Variants in MYO5C observed in about 807,000 individuals in gnomAD.
MYO5C encodes myosin VC.
MYO5C carries 194 observed loss-of-function variants against 235.7 expected under a neutral mutation model. That is an observed-to-expected ratio of 0.82 (90% CI 0.73 to 0.93). The LOEUF is 0.93. MYO5C is among the 40% of genes least tolerant of loss of function. MYO5C has a pLI of 0.00. For missense variants in MYO5C, 2,038 were observed against 2,127.2 expected (o/e 0.96, Z 0.82); for synonymous variants, 707 against 754.8 (o/e 0.94, Z 1.04).
intron 25 of MYO5C, among the ~76,000 whole-genome samples, chr15:52,227,134 G>A (rs370043457): frequency 6.7e-6 from 1 of 149,532 alleles, no homozygotes; most frequent in East Asian, 2.0e-4. Flanking sequence ...TGGGTGACAA[G>A]AGCAAAACTC....
In MYO5C at chr15:52,211,845, C is replaced by G. The variant is rs2035447458; in HGVS notation, c.4181G>C (p.Gly1394Ala). 6.2e-7 allele frequency: 1 copy of G among 1,613,956 alleles called. No individual in the cohort carries two copies. The highest frequency in any genetic ancestry group is 1.7e-5 in the Admixed American group (1 of 60,008). The change falls in exon 35 of 41, where the codon GGG becomes GCG. Residue 1394 changes from glycine to alanine, a missense_variant. By Grantham distance (60) the Gly-to-Ala change is moderately conservative. Transcript: ENST00000261839. ...PRGVVVNMIPGLPAHILFMCV... is the reference protein window; with the variant it reads ...PRGVVVNMIPALPAHILFMCV... ...CATGAACAGGATATGAGCCGGCAGC[C>G]CGGGGATCATGTTCACCACCACGCC...
Position 52,275,636 on chromosome 15 carries a change from A to C in MYO5C, c.532T>G (p.Phe178Val), listed in dbSNP as rs748879031. Reference sequence around the variant, plus strand: ...CTGCCCGATTTGCTGACGGTGGCAAAGTACCTCATGGCATAGCGAGCCGAC... The same window carrying C: ...CTGCCCGATTTGCTGACGGTGGCAACGTACCTCATGGCATAGCGAGCCGAC... Reference protein sequence around the residue: ...TVSARYAMRYFATVSKSGSNA... With the variant: ...TVSARYAMRYVATVSKSGSNA... Residue 178 changes from phenylalanine to valine, a missense_variant, in exon 5 of 41, where the codon TTT becomes GTT. Phe to Val is a conservative substitution (Grantham distance 50). Coordinates refer to ENST00000261839, the MANE Select transcript of MYO5C (RefSeq NM_018728.4). 3 of 1,614,174 alleles carry C rather than the reference A, an allele frequency of 1.9e-6. No homozygotes were observed. The highest frequency in any genetic ancestry group is 2.5e-6 in the Non-Finnish European group (3 of 1,180,032).
intron 38 of MYO5C, 126 bp downstream of exon 38, chr15:52,204,739 T>C (rs2141265635): frequency 1.7e-6 from 2 of 1,191,476 alleles, no homozygotes; most frequent in Non-Finnish European, 2.3e-6. Context: ...CGAATATCCC[T>C]ACAGCAGTAG....
intron 21 of MYO5C, among the ~76,000 whole-genome samples, chr15:52,237,929 A>AC (rs375594763): frequency 4.6e-5 from 7 of 150,640 alleles, no homozygotes; most frequent in Non-Finnish European, 8.9e-5. Context: ...GCCCCCCGCC[A>AC]AAATTCATTT....
intron 10 of MYO5C, 77 bp downstream of exon 10, chr15:52,260,785 A>G (rs1435761778): frequency 1.1e-5 from 16 of 1,486,214 alleles, no homozygotes; most frequent in African/African-American, 1.4e-5. Flanking sequence ...CAAAAGAACC[A>G]GAACAAAATG....
chr15:52,241,844 C>G (rs1476964563), intron 20 of MYO5C, among the ~76,000 whole-genome samples: 1 of 152,104 alleles, frequency 6.6e-6, no homozygotes, highest in African/African-American at 2.4e-5. Flanking sequence ...CTCCTGGGCT[C>G]AAGGAACCCT....
intron 35 of MYO5C, among the ~76,000 whole-genome samples, chr15:52,211,459 C>G (rs756053968): frequency 4.6e-5 from 7 of 152,228 alleles, no homozygotes; most frequent in Non-Finnish European, 7.3e-5. Context: ...ATACCCCTCA[C>G]AGCTGATAAC....
At chr15:52,287,187 G>A (rs969431992) in intron 1 of MYO5C, among the ~76,000 whole-genome samples, 5 of 151,574 alleles carry the variant, frequency 3.3e-5, no homozygotes, top group Non-Finnish European at 5.9e-5. Context: ...GAAGCTTGCC[G>A]AAACGTGACA....
rs773635086 is a variant in MYO5C, at chr15:52,204,921, C to A, written c.4764G>T (p.Leu1588=). 2 of 1,614,228 alleles carry A rather than the reference C, an allele frequency of 1.2e-6. No individual in the cohort carries two copies. The highest frequency in any genetic ancestry group is 1.7e-6 in the Non-Finnish European group (2 of 1,180,028). The change falls in exon 38 of 41, where the codon CTG becomes CTT. Residue 1588 remains leucine (L), a synonymous_variant. Coordinates refer to ENST00000261839, the MANE Select transcript of MYO5C (RefSeq NM_018728.4). ...QLFFLIGAVT[L]NSLFLRKDMC... Reference sequence around the variant, plus strand: ...TGTCCTTGCGCAGGAAGAGGCTGTTCAGCGTGACCGCCCCGATCAAGAAGA... The same window carrying A: ...TGTCCTTGCGCAGGAAGAGGCTGTTAAGCGTGACCGCCCCGATCAAGAAGA...
intron 8 of MYO5C, among the ~76,000 whole-genome samples, chr15:52,269,131 A>G (rs2079468135): frequency 6.6e-6 from 1 of 152,200 alleles, no homozygotes; most frequent in Admixed American, 6.5e-5. Flanking sequence ...TCTGAACCGA[A>G]TTGGACCTTG....
rs1297442907 is a variant in MYO5C, at chr15:52,192,504, T to C, written c.*1398A>G. The C allele has an allele frequency of 6.6e-6, 1 of 152,224 alleles. No individual in the cohort carries two copies. The highest frequency in any genetic ancestry group is 2.4e-5 in the African/African-American group (1 of 41,462). 9.4% of individuals were successfully genotyped at this position (152,224 alleles called of 1,614,324 possible). A position where few individuals can be genotyped will look rare whatever the true frequency, so the allele number is the denominator to read the frequency against. On this transcript the variant is annotated 3_prime_UTR_variant, in exon 41 of 41. Coordinates refer to ENST00000261839, the MANE Select transcript of MYO5C (RefSeq NM_018728.4). The stretch of plus-strand genomic sequence containing the variant: ...ACCTCTAAGACACCAGTCTGTATTA[T>C]AGAATCACAGCTGTCACCTGTGACT...
At position 52,295,630 on chromosome 15, in the gene MYO5C, C is replaced by T. The variant is rs574645598; in HGVS notation, c.7G>A (p.Val3Met). MA[V>M]AELYTQYNRV... ...CCTACCTGCGTGTACAGCTCGGCCA[C>T]CGCCATGGGCAGGAGGGGCCGGGGC... The change falls in exon 1 of 41, where the codon GTG (valine) becomes ATG (methionine). Residue 3 changes from valine (V) to methionine (M), a missense_variant. By Grantham distance (21) the Val-to-Met change is conservative (BLOSUM62 1). Transcript: ENST00000261839. The T allele has an allele frequency of 6.5e-5, 97 of 1,481,934 alleles. No individual in the cohort carries two copies. The African/African-American group carries it at 1.4e-3, about 22-fold the overall frequency. The allele number at this position is 1,481,934 out of a possible 1,614,324, so 91.8% of individuals were successfully genotyped here.
intron 20 of MYO5C, among the ~76,000 whole-genome samples, chr15:52,240,540 C>CAAAAA (rs35556321): frequency 2.0e-5 from 2 of 101,476 alleles, no homozygotes; most frequent in Non-Finnish European, 1.7e-5. Context: ...TCATTCTCTA[C>CAAAAA]AAAAAAAGAA....
In MYO5C at chr15:52,225,155, G is replaced by C. The variant is rs1247298624; in HGVS notation, c.3302-17C>G. The C allele has an allele frequency of 6.2e-7, 1 of 1,613,294 alleles. No individual in the cohort carries two copies. Among genetic ancestry groups the C allele is most frequent in the Admixed American group, 1.7e-5 (1 of 60,014 alleles). ...ACATCTTTTCTGAAAGGGAAAGGCA[G>C]AGTTGTATATATTACATTTGTGGAT... On this transcript the variant is annotated splice_polypyrimidine_tract_variant and intron_variant, in intron 26 of 40. Coordinates refer to ENST00000261839, the MANE Select transcript of MYO5C (RefSeq NM_018728.4).
rs751060614 is a variant in MYO5C, at chr15:52,229,278, T to A, written c.3062A>T (p.Asp1021Val). Residue 1021 changes from aspartate (D) to valine (V), a missense_variant, in exon 25 of 41, where the codon GAC (aspartate) becomes GTC (valine). Physicochemically the swap from Asp to Val is radical, Grantham distance 152. Transcript: ENST00000261839. Reference protein sequence around the residue: ...LEKSFELKTQDYEKQIQSLKE... With the variant: ...LEKSFELKTQVYEKQIQSLKE... ...CAAAGACTGAATCTGCTTCTCATAGTCTTGTGTTTTCAGTTCAAAACTTTT... is the reference window on the plus strand; with the variant it reads ...CAAAGACTGAATCTGCTTCTCATAGACTTGTGTTTTCAGTTCAAAACTTTT... 7.4e-6 allele frequency: 12 copies of A among 1,614,122 alleles called. No homozygotes were observed. The South Asian group carries it at 1.1e-4, about 15-fold the overall frequency.
intron 17 of MYO5C, 105 bp from the exon 18 acceptor site, chr15:52,245,570 G>A (rs879157551): frequency 1.8e-5 from 15 of 818,216 alleles, no homozygotes; most frequent in South Asian, 1.7e-4. Context: ...CGGGGGTGGT[G>A]CAATCTGTCC....
Position 52,208,535 on chromosome 15 carries a change from G to A in MYO5C, c.4386+19C>T, listed in dbSNP as rs760626261. 4 of 1,610,460 alleles carry A rather than the reference G, an allele frequency of 2.5e-6. No homozygotes were observed. In the African/African-American group the frequency reaches 5.3e-5, roughly 22 times the overall value. Reference sequence around the variant, plus strand: ...ACTGGCTGTCAGCACAAAACAACAAGCAGGTGGGCGCCCCCTACCTCTTCT... The same window carrying A: ...ACTGGCTGTCAGCACAAAACAACAAACAGGTGGGCGCCCCCTACCTCTTCT... On this transcript the variant is annotated intron_variant, in intron 36 of 40. Transcript: ENST00000261839.
chr15:52,291,824 C>T (rs1170724790), intron 1 of MYO5C, among the ~76,000 whole-genome samples: 15 of 135,468 alleles, frequency 1.1e-4, no homozygotes, highest in African/African-American at 2.2e-4. Flanking sequence ...CTGCAAGCTT[C>T]GCCTCCCGGG....
chr15:52,230,795 T>C (rs992252836), intron 24 of MYO5C, among the ~76,000 whole-genome samples: 2 of 151,668 alleles, frequency 1.3e-5, no homozygotes, highest in Non-Finnish European at 2.9e-5. Flanking sequence ...TAAAATGCCT[T>C]TGAAAAAGGA....
Sources: allele counts gnomAD v4.1 joint callset (sites outside exome capture counted in the v4.1 genomes callset), GRCh38; gene constraint gnomAD v4.1.1; transcripts MANE v1.5; gene names NCBI Gene and HGNC (gene_info 2026-07-23, HGNC 2026-07-21).